Variants in ARHGAP29 observed in about 807,000 individuals in gnomAD.
ARHGAP29 encodes the protein Rho GTPase activating protein 29, also known as rho GTPase-activating protein 29.
In ARHGAP29, 43 loss-of-function variants were observed where a neutral mutation model predicts 122.6. The ratio of observed to expected loss-of-function variants is 0.35; its 90% CI spans 0.27 to 0.45. The LOEUF (loss-of-function observed/expected upper bound fraction) is 0.45. Ranked by LOEUF, ARHGAP29 falls within the 20% of genes least tolerant of loss-of-function variation. The pLI is 1.00. For missense variants in ARHGAP29, 1,303 were observed against 1,477.2 expected (o/e 0.88, Z 1.93); for synonymous variants, 506 against 497.1 (o/e 1.02, Z -0.24).
intron 19 of ARHGAP29, among the ~76,000 whole-genome samples, chr1:94,181,930 A>T (rs1322539656): frequency 2.6e-5 from 4 of 152,246 alleles, no homozygotes; most frequent in African/African-American, 9.6e-5. Context: ...TTCATTAATA[A>T]TTTAAAAATA....
rs890877934 is a variant in ARHGAP29, at chr1:94,169,544, T to C, written c.*4325A>G. Among the ~76,000 whole-genome samples, 10 of 152,312 alleles carry C rather than the reference T, an allele frequency of 6.6e-5. No homozygotes were observed. The East Asian group carries it at 9.6e-4, about 15-fold the overall frequency. On this transcript the variant is annotated 3_prime_UTR_variant, in exon 23 of 23. Coordinates refer to ENST00000260526, the MANE Select transcript of ARHGAP29 (RefSeq NM_004815.4). ...ACTAGATTAACCTCAAAGGATTGAA[T>C]TGAAGGTGTCAATGTGAACTCAAAG...
rs780746844 is a variant in ARHGAP29, at chr1:94,184,308, A to T, written c.2110-20T>A. On this transcript the variant is annotated intron_variant, in intron 18 of 22. Coordinates refer to ENST00000260526, the MANE Select transcript of ARHGAP29 (RefSeq NM_004815.4). ...AATTCCCTTCAATAGAAAAGAAAAAAATTTTGCAAAATTCTTCTTTAGTAC... is the reference window on the plus strand; with the variant it reads ...AATTCCCTTCAATAGAAAAGAAAAATATTTTGCAAAATTCTTCTTTAGTAC... 14 of 1,581,716 alleles carry T rather than the reference A, an allele frequency of 8.9e-6. No individual in the cohort carries two copies. Among genetic ancestry groups the T allele is most frequent in the Non-Finnish European group, 1.2e-5 (14 of 1,168,572 alleles).
chr1:94,204,629 CAG>C (rs756199371), intron 7 of ARHGAP29, among the ~76,000 whole-genome samples: 2 of 152,212 alleles, frequency 1.3e-5, no homozygotes, highest in African/African-American at 2.4e-5. Flanking sequence ...GCCTACTTCT[CAG>C]AGTTTTTGTA....
intron 12 of ARHGAP29, chr1:94,192,862 G>A (rs1244993234): frequency 6.6e-6 from 1 of 151,942 alleles, no homozygotes; most frequent in African/African-American, 2.4e-5. Flanking sequence ...AGGACCCAGA[G>A]TCAATAAAGT....
rs372144167 is a variant in ARHGAP29, at chr1:94,169,936, G to A, written c.*3933C>T. On this transcript the variant is annotated 3_prime_UTR_variant, in exon 23 of 23. Coordinates refer to ENST00000260526, the MANE Select transcript of ARHGAP29 (RefSeq NM_004815.4). ...AATACACTGTCACTGAATAAAGCAG[G>A]CATTCATGAATCTATACTGATTTAA... is the stretch of plus-strand genomic sequence containing the variant. Among the ~76,000 whole-genome samples the A allele has an allele frequency of 1.1e-4, 16 of 152,160 alleles. No individual in the cohort carries two copies. In the East Asian group the frequency reaches 1.2e-3, roughly 11 times the overall value.
At chr1:94,221,986 A>AC (rs1457826517) in intron 2 of ARHGAP29, among the ~76,000 whole-genome samples, 1 of 151,612 alleles carries the variant, frequency 6.6e-6, no homozygotes, top group African/African-American at 2.4e-5. Flanking sequence ...AAAAAAAAAA[A>AC]AAACTAAAAC....
the ARHGAP29 span, among the ~76,000 whole-genome samples, chr1:94,310,392 A>G: frequency 6.6e-6 from 1 of 152,246 alleles, no homozygotes; most frequent in East Asian, 1.9e-4. Flanking sequence ...AGTAGTGTCC[A>G]GGTGCCACCC....
At chr1:94,241,904 T>C (rs1466308745), upstream of ARHGAP29, among the ~76,000 whole-genome samples, 1 of 151,676 alleles carries the variant, frequency 6.6e-6, no homozygotes, top group African/African-American at 2.4e-5. Flanking sequence ...CATAAACAAA[T>C]GAGGTAAGCC....
rs1169217430 is a variant in ARHGAP29, at chr1:94,170,027, G to A, written c.*3842C>T. On this transcript the variant is annotated 3_prime_UTR_variant, in exon 23 of 23. Transcript: ENST00000260526. ...TAGTAGGATGCCAACCAAGGCAGAA[G>A]CCACGGACTCACCATTTGACAACCA... Among the ~76,000 whole-genome samples the A allele has an allele frequency of 1.3e-5, 2 of 152,188 alleles. No homozygotes were observed. Among genetic ancestry groups the A allele is most frequent in the East Asian group, 3.8e-4 (2 of 5,200 alleles).
At chr1:94,256,783 C>T (rs1654372746) in intron 1 of ARHGAP29, among the ~76,000 whole-genome samples, 2 of 151,540 alleles carry the variant, frequency 1.3e-5, no homozygotes, top group Admixed American at 6.6e-5. Flanking sequence ...TGGTCTCGAT[C>T]TCCTGACCTC....
rs922969325 is a variant in ARHGAP29, at chr1:94,173,127, G to C, written c.*742C>G. On this transcript the variant is annotated 3_prime_UTR_variant, in exon 23 of 23. Transcript: ENST00000260526. ...AAAGTTTATATAAAATAAAGCCAAG[G>C]GGTGAAAAACTATCAAATGTATTAA... The C allele has an allele frequency of 6.6e-6, 1 of 152,408 alleles. No individual in the cohort carries two copies. The highest frequency in any genetic ancestry group is 2.4e-5 in the African/African-American group (1 of 41,384). The allele number at this position is 152,408 out of a possible 1,614,324, so 9.4% of individuals were successfully genotyped here. A position where few individuals can be genotyped will look rare whatever the true frequency, so the allele number is the denominator to read the frequency against.
At chr1:94,280,194 C>T in the ARHGAP29 span, among the ~76,000 whole-genome samples, 1 of 151,984 alleles carries the variant, frequency 6.6e-6, no homozygotes, top group African/African-American at 2.4e-5. Flanking sequence ...CTTATATGGC[C>T]TGTGGGAGAG....
At chr1:94,194,414 C>T (rs1447416743) in intron 12 of ARHGAP29, 1 of 152,138 alleles carries the variant, frequency 6.6e-6, no homozygotes, top group Non-Finnish European at 1.5e-5. Flanking sequence ...TGTACTACTA[C>T]ATCTGTATGT....
the ARHGAP29 span, among the ~76,000 whole-genome samples, chr1:94,281,757 C>T: frequency 6.6e-6 from 1 of 152,094 alleles, no homozygotes; most frequent in Non-Finnish European, 1.5e-5. Context: ...AGAGTATAAA[C>T]AGTAGGACAG....
At chr1:94,292,079 TC>T in the ARHGAP29 span, among the ~76,000 whole-genome samples, 2 of 152,260 alleles carry the variant, frequency 1.3e-5, no homozygotes, top group Non-Finnish European at 2.9e-5. Context: ...CCTGTCACTT[TC>T]AGATACACCA....
upstream of ARHGAP29, among the ~76,000 whole-genome samples, chr1:94,277,980 G>A (rs1472921363): frequency 6.6e-6 from 1 of 152,046 alleles, no homozygotes; most frequent in East Asian, 1.9e-4. Context: ...AGTAGCTTTG[G>A]ATTATCTACA....
the ARHGAP29 span, among the ~76,000 whole-genome samples, chr1:94,286,736 A>G: frequency 3.3e-5 from 5 of 152,212 alleles, no homozygotes; most frequent in African/African-American, 1.2e-4. Flanking sequence ...AGAAAAATTA[A>G]GAAGGAAATA....
chr1:94,297,617 A>G, the ARHGAP29 span, among the ~76,000 whole-genome samples: 1 of 152,158 alleles, frequency 6.6e-6, no homozygotes, highest in Admixed American at 6.5e-5. Context: ...AACATTGCTA[A>G]AGAAGGGCAG....
chr1:94,256,849 C>T (rs543014691), intron 1 of ARHGAP29, among the ~76,000 whole-genome samples: 3 of 151,910 alleles, frequency 2.0e-5, no homozygotes, highest in South Asian at 4.2e-4. Flanking sequence ...TGAGCCACCG[C>T]GCCTGCCCAA....
Sources: gnomAD v4.1 joint callset for allele counts (sites outside exome capture counted in the v4.1 genomes callset) on GRCh38, gnomAD v4.1.1 for gene constraint, MANE v1.5 for transcripts, NCBI Gene and HGNC (gene_info 2026-07-23, HGNC 2026-07-21) for gene names.